The following DLGAP2 variants were observed in gnomAD, a reference collection of about 807,000 sequenced individuals.
DLGAP2 encodes disks large-associated protein 2.
In DLGAP2, 26 loss-of-function variants were observed where a neutral mutation model predicts 100.3. The observed-to-expected ratio is 0.26, with a 90% CI of 0.19 to 0.36. The LOEUF (loss-of-function observed/expected upper bound fraction) is 0.36, where lower values mean the gene tolerates loss of function less well. DLGAP2 is among the 10% of genes least tolerant of loss of function. The pLI, the probability that DLGAP2 is intolerant of heterozygous loss-of-function variation, is 1.00. For synonymous variants in DLGAP2, 886 were observed against 630.1 expected (o/e 1.41, Z -6.08); for missense variants, 1,858 against 1,453.2 (o/e 1.28, Z -4.53).
intron 2 of DLGAP2, among the ~76,000 whole-genome samples, chr8:970,400 T>C (rs1799983140): frequency 6.6e-6 from 1 of 152,220 alleles, no homozygotes; most frequent in South Asian, 2.1e-4. Flanking sequence ...TACACATTTT[T>C]CTCCAGAGAG....
intron 4 of DLGAP2, among the ~76,000 whole-genome samples, chr8:1,507,311 G>C (rs971426006): frequency 5.9e-5 from 9 of 151,886 alleles, no homozygotes; most frequent in Non-Finnish European, 1.2e-4. Flanking sequence ...CGGGGAGGCA[G>C]CTGAGGCCCG....
At chr8:1,578,736 A>T (rs2040984) in intron 6 of DLGAP2, among the ~76,000 whole-genome samples, 2 of 152,078 alleles carry the variant, frequency 1.3e-5, no homozygotes, top group East Asian at 3.9e-4. Context: ...ATGTTCTCTA[A>T]CATAGTGCAA....
chr8:841,891 G>C (rs756711820), intron 1 of DLGAP2, among the ~76,000 whole-genome samples: 1 of 151,988 alleles, frequency 6.6e-6, no homozygotes, highest in African/African-American at 2.4e-5. Context: ...CCTGATTCTC[G>C]AGAGCACAGG....
intron 1 of DLGAP2, chr8:738,674 G>GGGGCT (rs561000545): frequency 0.52 from 77,440 of 149,020 alleles, 20,625 homozygotes; most frequent in East Asian, 0.84. Flanking sequence ...GCGCCCAGGT[G>GGGGCT]GGGCTGGGCT....
Position 1,683,852 on chromosome 8 carries a change from ATATATGTG to A in DLGAP2, c.2704+5225_2704+5232del, listed in dbSNP as rs1427333739. 1.1e-4 allele frequency among the ~76,000 whole-genome samples: 8 copies of A among 72,560 alleles called. No individual in the cohort carries two copies. In the East Asian group the frequency reaches 1.9e-3, roughly 18 times the overall value. 47.6% of individuals were successfully genotyped at this position (72,560 alleles called of 152,430 possible). ...TGCTCCACTATATATATATATATAT[ATATATGTG>A]TGTGTGTGTGTGTGTGTGTGTGTGT... On this transcript the variant is annotated intron_variant, in intron 12 of 14. Coordinates refer to ENST00000637795, the MANE Select transcript of DLGAP2 (RefSeq NM_001346810.2).
rs767829513 is a variant in DLGAP2, at chr8:1,701,721, A to C, written c.*315A>C. Reference sequence around the variant, plus strand: ...AGAGGACGGCGAGAAATGCCTCTGGAGCTGGAACCCAGCTTACATTTTGTT... The same window carrying C: ...AGAGGACGGCGAGAAATGCCTCTGGCGCTGGAACCCAGCTTACATTTTGTT... On this transcript the variant is annotated 3_prime_UTR_variant, in exon 15 of 15. Coordinates refer to ENST00000637795, the MANE Select transcript of DLGAP2 (RefSeq NM_001346810.2). 2.5e-6 allele frequency: 1 copy of C among 407,910 alleles called. No homozygotes were observed. Among genetic ancestry groups the C allele is most frequent in the Admixed American group, 4.2e-5 (1 of 24,044 alleles). The allele number at this position is 407,910 out of a possible 1,614,324, so 25.3% of individuals were successfully genotyped here.
chr8:1,300,765 C>T (rs1329976927), intron 3 of DLGAP2: 1 of 152,242 alleles, frequency 6.6e-6, no homozygotes, highest in Non-Finnish European at 1.5e-5. Flanking sequence ...CATCCAGGGA[C>T]ACAGCACAGG....
At chr8:1,280,785 C>T (rs865890493) in intron 3 of DLGAP2, among the ~76,000 whole-genome samples, 6 of 152,112 alleles carry the variant, frequency 3.9e-5, no homozygotes, top group African/African-American at 1.2e-4. Flanking sequence ...ATGCAAGCTT[C>T]GTGTTTGCAG....
At chr8:1,574,494 C>G (rs532300133) in intron 6 of DLGAP2, among the ~76,000 whole-genome samples, 1 of 152,270 alleles carries the variant, frequency 6.6e-6, no homozygotes, top group South Asian at 2.1e-4. Flanking sequence ...GCCCCCTGCC[C>G]CCGGAGGCAG....
intron 4 of DLGAP2, among the ~76,000 whole-genome samples, chr8:1,530,163 G>A (rs1800939821): frequency 6.6e-6 from 1 of 152,112 alleles, no homozygotes; most frequent in African/African-American, 2.4e-5. Context: ...ATAAGCCTGG[G>A]AGCACTATGG....
At chr8:835,165 G>A (rs949374279) in intron 1 of DLGAP2, among the ~76,000 whole-genome samples, 1 of 152,146 alleles carries the variant, frequency 6.6e-6, no homozygotes, top group Non-Finnish European at 1.5e-5. Context: ...CTGGTACTAT[G>A]CACTGAATTG....
intron 2 of DLGAP2, among the ~76,000 whole-genome samples, chr8:985,494 C>A (rs1272597011): frequency 1.3e-5 from 2 of 152,166 alleles, no homozygotes; most frequent in Non-Finnish European, 2.9e-5. Flanking sequence ...TGTTAATTTC[C>A]CTGGTCTTTC....
At chr8:1,189,914 C>A (rs1331551802) in intron 2 of DLGAP2, among the ~76,000 whole-genome samples, 1 of 152,022 alleles carries the variant, frequency 6.6e-6, no homozygotes, top group African/African-American at 2.4e-5. Context: ...GCTTTGGGTG[C>A]CAGGAAAGGA....
At chr8:1,143,669 C>T (rs906090710) in intron 2 of DLGAP2, among the ~76,000 whole-genome samples, 2 of 152,186 alleles carry the variant, frequency 1.3e-5, no homozygotes, top group Non-Finnish European at 2.9e-5. Context: ...CACCCACGCT[C>T]CCCACTATTT....
intron 1 of DLGAP2, among the ~76,000 whole-genome samples, chr8:786,318 A>G (rs1821864337): frequency 6.6e-6 from 1 of 152,058 alleles, no homozygotes; most frequent in African/African-American, 2.4e-5. Context: ...ACCAGGAGCC[A>G]TGGTCCGGGC....
chr8:781,025 A>G (rs1289537918), intron 1 of DLGAP2, among the ~76,000 whole-genome samples: 1 of 152,202 alleles, frequency 6.6e-6, no homozygotes, highest in East Asian at 1.9e-4. Context: ...ATGATTTTCA[A>G]TGCATTTTGT....
At chr8:1,518,744 T>C (rs1001920579) in intron 4 of DLGAP2, among the ~76,000 whole-genome samples, 1 of 152,242 alleles carries the variant, frequency 6.6e-6, no homozygotes, top group Non-Finnish European at 1.5e-5. Context: ...TGATAATATA[T>C]AAATTGTACA....
intron 1 of DLGAP2, among the ~76,000 whole-genome samples, chr8:850,186 G>A (rs906053429): frequency 1.5e-4 from 23 of 152,040 alleles, no homozygotes; most frequent in Admixed American, 2.0e-4. Context: ...CCACCTTTGC[G>A]TTGTCTTTTC....
rs116161239 is a variant in DLGAP2, at chr8:764,508, T to A, written c.18+26683T>A. Among the ~76,000 whole-genome samples the A allele has an allele frequency of 5.8e-3, 884 of 152,312 alleles. 9 individuals are homozygous for A. The highest frequency in any genetic ancestry group is 0.019 in the African/African-American group (808 of 41,572). The stretch of plus-strand genomic sequence containing the variant: ...ATGTGTCTTCTGACAGGATAACAAG[T>A]AGGAAATACCTGTGGTGGAGCCCAC... On this transcript the variant is annotated intron_variant, in intron 1 of 14. Coordinates refer to ENST00000637795, the MANE Select transcript of DLGAP2 (RefSeq NM_001346810.2).
Sources: allele counts gnomAD v4.1 joint callset (sites outside exome capture counted in the v4.1 genomes callset), GRCh38; gene constraint gnomAD v4.1.1; transcripts MANE v1.5; gene names NCBI Gene and HGNC (gene_info 2026-07-23, HGNC 2026-07-21).